The following TMEM132D variants were observed in gnomAD, a reference collection of about 807,000 sequenced individuals.
TMEM132D encodes the protein mature OL transmembrane protein.
In TMEM132D, 21 loss-of-function variants were observed where a neutral mutation model predicts 62.3. The ratio of observed to expected loss-of-function variants is 0.34; its 90% CI spans 0.24 to 0.49. TMEM132D has a LOEUF of 0.49. Ranked by LOEUF, TMEM132D falls within the 20% of genes least tolerant of loss-of-function variation. TMEM132D has a pLI of 0.99. For synonymous variants in TMEM132D, 621 were observed against 575.6 expected, an observed-to-expected ratio of 1.08 and a Z score of -1.13; for missense variants, 1,346 against 1,402.8, an observed-to-expected ratio of 0.96 and a Z score of 0.65.
intron 3 of TMEM132D, among the ~76,000 whole-genome samples, chr12:129,461,148 G>A (rs1340079585): frequency 6.6e-6 from 1 of 152,202 alleles, no homozygotes; most frequent in Non-Finnish European, 1.5e-5. Flanking sequence ...AAAGAGTAGA[G>A]GTGCAGAAGG....
intron 5 of TMEM132D, among the ~76,000 whole-genome samples, chr12:129,101,998 TTCTC>T (rs1555229855): frequency 6.7e-6 from 1 of 149,268 alleles, no homozygotes. Flanking sequence ...TTTTTTTTTT[TTCTC>T]TCTCTCTCTC....
At chr12:129,510,573 C>G (rs1239702794) in intron 3 of TMEM132D, among the ~76,000 whole-genome samples, 2 of 152,154 alleles carry the variant, frequency 1.3e-5, no homozygotes, top group African/African-American at 4.8e-5. Flanking sequence ...CTGACGTCTT[C>G]TTGCAGTAGT....
chr12:129,195,473 G>C (rs1878522151), intron 5 of TMEM132D, among the ~76,000 whole-genome samples: 1 of 152,094 alleles, frequency 6.6e-6, no homozygotes, highest in South Asian at 2.1e-4. Flanking sequence ...TATTTTAAAA[G>C]GATCACTTTG....
chr12:129,834,790 C>T (rs575721926), intron 1 of TMEM132D, among the ~76,000 whole-genome samples: 3 of 152,320 alleles, frequency 2.0e-5, no homozygotes, highest in South Asian at 4.1e-4. Context: ...GAAGTGGAAA[C>T]CACATGCTCT....
At chr12:129,107,535 GAAC>G (rs1875540611) in intron 5 of TMEM132D, among the ~76,000 whole-genome samples, 2 of 152,192 alleles carry the variant, frequency 1.3e-5, no homozygotes, top group Admixed American at 6.5e-5. Flanking sequence ...GTGTGGGGAA[GAAC>G]TCTCTATAAA....
At chr12:129,466,279 CTTTTTTTTTTTTTTTTTT>C (rs551019541) in intron 3 of TMEM132D, among the ~76,000 whole-genome samples, 1,578 of 100,376 alleles carry the variant, frequency 0.016, 317 homozygotes, top group African/African-American at 0.048. Flanking sequence ...TAGATTTTTC[CTTTTTTTTTTTTTTTTTT>C]TTTTTTTTTT....
chr12:129,585,311 A>G (rs1320699612), intron 2 of TMEM132D, among the ~76,000 whole-genome samples: 1 of 152,216 alleles, frequency 6.6e-6, no homozygotes, highest in African/African-American at 2.4e-5. Context: ...TCTACATAGC[A>G]GGGATGAGGT....
intron 1 of TMEM132D, among the ~76,000 whole-genome samples, chr12:129,897,549 T>C (rs1436031172): frequency 6.6e-6 from 1 of 151,094 alleles, no homozygotes; most frequent in African/African-American, 2.4e-5. Context: ...CCTAGGGAGG[T>C]GGGGGAGGAG....
intron 3 of TMEM132D, among the ~76,000 whole-genome samples, chr12:129,453,579 G>T (rs77448898): frequency 6.6e-6 from 1 of 152,152 alleles, no homozygotes. Context: ...TGGACCCAAA[G>T]GTTCTGGTTG....
chr12:129,112,050 G>A lies in TMEM132D; in HGVS notation c.1444-27348C>T, dbSNP rs182339472. 2.9e-3 allele frequency among the ~76,000 whole-genome samples: 438 copies of A among 152,252 alleles called. 1 individual carries two copies. The highest frequency in any genetic ancestry group is 9.7e-3 in the African/African-American group (405 of 41,558). On this transcript the variant is annotated intron_variant, in intron 5 of 8. Coordinates refer to ENST00000422113, the MANE Select transcript of TMEM132D (RefSeq NM_133448.3). ...TATCTCTGACATCATTCCTGGCTCC[G>A]TAGCCTCTTTACCTGGTTTTCCACC...
At chr12:129,080,878 A>G (rs898979508) in intron 7 of TMEM132D, among the ~76,000 whole-genome samples, 5 of 152,128 alleles carry the variant, frequency 3.3e-5, no homozygotes, top group Admixed American at 2.6e-4. Context: ...GTGTTTCAAA[A>G]CCCAAGTGTT....
chr12:129,795,470 G>C (rs1871535679), intron 1 of TMEM132D, among the ~76,000 whole-genome samples: 1 of 152,198 alleles, frequency 6.6e-6, no homozygotes, highest in African/African-American at 2.4e-5. Flanking sequence ...ACTTACAATG[G>C]ACTCTGACAA....
At chr12:129,524,917 T>C (rs1566098008) in intron 3 of TMEM132D, among the ~76,000 whole-genome samples, 1 of 90,062 alleles carries the variant, frequency 1.1e-5, no homozygotes, top group East Asian at 3.4e-4. Flanking sequence ...TTCATATTTT[T>C]TTCTTTTTTC....
intron 2 of TMEM132D, among the ~76,000 whole-genome samples, chr12:129,624,116 T>C (rs1879150675): frequency 6.6e-6 from 1 of 152,196 alleles, no homozygotes; most frequent in Admixed American, 6.5e-5. Flanking sequence ...CTGGGAAAAC[T>C]ATAGAGCAGA....
chr12:129,715,445 T>A (rs1209786711), intron 1 of TMEM132D, among the ~76,000 whole-genome samples: 1 of 152,220 alleles, frequency 6.6e-6, no homozygotes, highest in Admixed American at 6.5e-5. Flanking sequence ...TGTGCTTCAG[T>A]GAAAACTGAT....
intron 1 of TMEM132D, among the ~76,000 whole-genome samples, chr12:129,802,376 C>A (rs1248751698): frequency 2.7e-5 from 1 of 37,012 alleles, no homozygotes; most frequent in Non-Finnish European, 7.4e-5. Flanking sequence ...ACAGTGGGGG[C>A]CAATATTCAA....
chr12:129,731,811 C>T (rs565435801), intron 1 of TMEM132D, among the ~76,000 whole-genome samples: 2 of 152,038 alleles, frequency 1.3e-5, no homozygotes, highest in Non-Finnish European at 2.9e-5. Flanking sequence ...TACAGGCGCC[C>T]GCCACCACGC....
At chr12:129,374,109 C>G (rs1206210578) in intron 3 of TMEM132D, among the ~76,000 whole-genome samples, 2 of 152,162 alleles carry the variant, frequency 1.3e-5, no homozygotes, top group Non-Finnish European at 2.9e-5. Context: ...GTTAGAGTAG[C>G]TAATGAAATA....
intron 1 of TMEM132D, among the ~76,000 whole-genome samples, chr12:129,883,444 T>A (rs1874663853): frequency 6.6e-6 from 1 of 152,210 alleles, no homozygotes; most frequent in Non-Finnish European, 1.5e-5. Flanking sequence ...AGATGGCAGT[T>A]CTCATTATCA....
Sources: allele counts gnomAD v4.1 joint callset (sites outside exome capture counted in the v4.1 genomes callset), GRCh38; gene constraint gnomAD v4.1.1; transcripts MANE v1.5; gene names NCBI Gene and HGNC (gene_info 2026-07-23, HGNC 2026-07-21).